RYR2: variants seen among roughly 807,000 people sequenced by gnomAD.
RYR2 encodes ryanodine receptor 2.
Under a neutral mutation model 601.1 loss-of-function variants are expected in RYR2, and 227 were observed. The ratio of observed to expected loss-of-function variants is 0.38; its 90% CI spans 0.34 to 0.42. The LOEUF (loss-of-function observed/expected upper bound fraction) is 0.42. RYR2 is among the 10% of genes least tolerant of loss of function. The pLI, the probability that RYR2 is intolerant of heterozygous loss-of-function variation, is 1.00. For missense variants in RYR2, 4,646 were observed against 6,156.5 expected (o/e 0.75, Z 8.21); for synonymous variants, 2,223 against 2,175.1 (o/e 1.02, Z -0.61).
rs1275688130 is a variant in RYR2, at chr1:237,322,279, C to A, written c.169-8599C>A. On this transcript the variant is annotated intron_variant, in intron 2 of 104. Transcript: ENST00000366574. ...GAATTTGAAGACATCATCTTATCAC[C>A]TACACAACTTTAATTGTGGAAGCCA... 3.3e-5 allele frequency among the ~76,000 whole-genome samples: 5 copies of A among 152,306 alleles called. No homozygotes were observed. In the East Asian group the frequency reaches 9.6e-4, roughly 29 times the overall value.
At chr1:237,226,376 G>A (rs999722874) in intron 1 of RYR2, among the ~76,000 whole-genome samples, 8 of 152,136 alleles carry the variant, frequency 5.3e-5, no homozygotes, top group East Asian at 1.9e-4. Context: ...TGTCAGTGGC[G>A]TGGCGTACAT....
chr1:237,246,750 T>G (rs1333330324), intron 1 of RYR2, among the ~76,000 whole-genome samples: 1 of 152,236 alleles, frequency 6.6e-6, no homozygotes, highest in Non-Finnish European at 1.5e-5. Flanking sequence ...ATTTTTGGCC[T>G]GATTTTTTGC....
chr1:237,250,898 G>T (rs1233956639), intron 1 of RYR2, among the ~76,000 whole-genome samples: 1 of 152,148 alleles, frequency 6.6e-6, no homozygotes, highest in African/African-American at 2.4e-5. Flanking sequence ...GCTAGCCTAT[G>T]ATTTTCTCTC....
intron 10 of RYR2, among the ~76,000 whole-genome samples, chr1:237,409,944 G>C (rs1318460899): frequency 6.6e-6 from 1 of 151,936 alleles, no homozygotes; most frequent in African/African-American, 2.4e-5. Flanking sequence ...TACCTCTTCT[G>C]GTGTTCAGTA....
intron 38 of RYR2, among the ~76,000 whole-genome samples, chr1:237,622,605 C>G (rs1182216270): frequency 6.6e-6 from 1 of 152,060 alleles, no homozygotes; most frequent in Non-Finnish European, 1.5e-5. Context: ...TGGATTCAAC[C>G]AACTGTATAT....
chr1:237,195,545 G>A (rs1026703819), intron 1 of RYR2, among the ~76,000 whole-genome samples: 1 of 152,150 alleles, frequency 6.6e-6, no homozygotes, highest in African/African-American at 2.4e-5. Flanking sequence ...GAGCCACCAC[G>A]CCTGAGCCAC....
At chr1:237,138,721 G>C (rs1235907671) in intron 1 of RYR2, among the ~76,000 whole-genome samples, 3 of 152,200 alleles carry the variant, frequency 2.0e-5, no homozygotes, top group Non-Finnish European at 4.4e-5. Context: ...GGAATCTGGA[G>C]TCCCCTAGCT....
In RYR2 at chr1:237,700,460, C is replaced by G; in HGVS notation, c.9360C>G (p.Asp3120Glu). ...TTGGCCAGCATCAGTTCGGAGAAGA[C>G]CTAATATGTATGTAAATTTATATCT... ...EHIGQHQFGE[D>E]LILEDVQVSC... The change falls in exon 65 of 105, where the codon GAC (aspartate) becomes GAG (glutamate). Residue 3120 changes from aspartate to glutamate, a missense_variant. Asp to Glu is a conservative substitution (Grantham distance 45). Coordinates refer to ENST00000366574, the MANE Select transcript of RYR2 (RefSeq NM_001035.3). 6.7e-7 allele frequency: 1 copy of G among 1,501,310 alleles called. No individual in the cohort carries two copies. Among genetic ancestry groups the G allele is most frequent in the Non-Finnish European group, 9.2e-7 (1 of 1,086,850 alleles). The allele number at this position is 1,501,310 out of a possible 1,614,324, so 93.0% of individuals were successfully genotyped here. A position where few individuals can be genotyped will look rare whatever the true frequency, so the allele number is the denominator to read the frequency against.
intron 1 of RYR2, among the ~76,000 whole-genome samples, chr1:237,069,201 T>C (rs1436856648): frequency 6.6e-6 from 1 of 152,170 alleles, no homozygotes; most frequent in East Asian, 1.9e-4. Context: ...ATTTATATGT[T>C]GTTTACTGAT....
intron 94 of RYR2, among the ~76,000 whole-genome samples, chr1:237,792,942 C>T (rs1658642575): frequency 6.6e-6 from 1 of 152,096 alleles, no homozygotes; most frequent in Admixed American, 6.5e-5. Flanking sequence ...CACACTTCAC[C>T]CAGAAAATAA....
intron 29 of RYR2, among the ~76,000 whole-genome samples, chr1:237,589,099 T>C (rs9970866): frequency 0.055 from 8,314 of 152,268 alleles, 318 homozygotes; most frequent in East Asian, 0.13. Flanking sequence ...CTATTGCATA[T>C]AAACATAAGA....
chr1:237,237,945 C>CCCTTTCCTTTCCTTT (rs60312547), intron 1 of RYR2, among the ~76,000 whole-genome samples: 1,740 of 35,390 alleles, frequency 0.049, 163 homozygotes, highest in East Asian at 0.12. Flanking sequence ...CTTTCCTTTC[C>CCCTTTCCTTTCCTTT]CCTTTCCTTT....
chr1:237,531,958 A>G (rs1233283287), intron 25 of RYR2, among the ~76,000 whole-genome samples: 1 of 152,100 alleles, frequency 6.6e-6, no homozygotes, highest in African/African-American at 2.4e-5. Flanking sequence ...GTATTTTCAA[A>G]TTATTTCTCC....
rs1668729192 is a variant in RYR2 at position 237,106,791 on chromosome 1, G to A, written c.48+64222G>A. Among the ~76,000 whole-genome samples the A allele has an allele frequency of 6.6e-6, 1 of 152,200 alleles. No homozygotes were observed. Among genetic ancestry groups the A allele is most frequent in the Non-Finnish European group, 1.5e-5 (1 of 68,034 alleles). Reference sequence around the variant, plus strand: ...GGATGCTGGGAAGCCCAAGATCAGAGTGCCAGCAATTTGGTGTCTGGTGAA... The same window carrying A: ...GGATGCTGGGAAGCCCAAGATCAGAATGCCAGCAATTTGGTGTCTGGTGAA... On this transcript the variant is annotated intron_variant, in intron 1 of 104. Transcript: ENST00000366574. This position sits in a 1 kb window ranked among gnomAD's most constrained non-coding sequence, Gnocchi z 4.4.
chr1:237,536,436 C>T (rs529442183), intron 25 of RYR2, among the ~76,000 whole-genome samples: 5 of 148,628 alleles, frequency 3.4e-5, no homozygotes, highest in African/African-American at 1.0e-4. Flanking sequence ...GCCGGGTGGC[C>T]GGGCGTGGTG....
At chr1:237,798,379 G>A (rs541759685) in intron 97 of RYR2, among the ~76,000 whole-genome samples, 1 of 151,034 alleles carries the variant, frequency 6.6e-6, no homozygotes, top group African/African-American at 2.4e-5. Context: ...ATTTTTGGAG[G>A]TACCTTTTAA....
At chr1:237,787,556 C>T (rs1304516403) in intron 91 of RYR2, among the ~76,000 whole-genome samples, 2 of 136,450 alleles carry the variant, frequency 1.5e-5, no homozygotes, top group African/African-American at 2.8e-5. Flanking sequence ...GGCGCCCCTG[C>T]ATTCCAGCCT....
intron 63 of RYR2, among the ~76,000 whole-genome samples, chr1:237,696,228 G>A (rs1337374488): frequency 6.6e-6 from 1 of 152,178 alleles, no homozygotes; most frequent in Non-Finnish European, 1.5e-5. Flanking sequence ...GGAAGGGAAA[G>A]GGACAGACAA....
At chr1:237,268,553 G>C (rs1288678529) in intron 1 of RYR2, among the ~76,000 whole-genome samples, 2 of 152,174 alleles carry the variant, frequency 1.3e-5, no homozygotes, top group Non-Finnish European at 2.9e-5. Context: ...TGGAGGGTCA[G>C]TTAGGAGGTG....
Sources: allele counts gnomAD v4.1 joint callset (sites outside exome capture counted in the v4.1 genomes callset), GRCh38; gene constraint gnomAD v4.1.1; non-coding constraint Gnocchi (gnomAD v3.1); transcripts MANE v1.5; gene names NCBI Gene and HGNC (gene_info 2026-07-23, HGNC 2026-07-21).